The following CAST variants were observed in gnomAD, a reference collection of about 807,000 sequenced individuals.
CAST encodes calpastatin, also known as MIR583 host.
In CAST, 76 loss-of-function variants were observed where a neutral mutation model predicts 119.6. The ratio of observed to expected loss-of-function variants is 0.64; its 90% CI spans 0.53 to 0.77. The LOEUF (loss-of-function observed/expected upper bound fraction) is 0.77. Ranked by LOEUF, CAST falls within the 30% of genes least tolerant of loss-of-function variation. The probability of loss-of-function intolerance (pLI) is 0.00; values close to 1 mark genes in which losing one functional copy is unlikely to be tolerated. For missense variants in CAST, 953 were observed against 946.5 expected, an observed-to-expected ratio of 1.01 and a Z score of -0.09; for synonymous variants, 319 against 331.6, an observed-to-expected ratio of 0.96 and a Z score of 0.41.
chr5:96,412,542 T>C, the CAST span: 4 of 1,494,122 alleles, frequency 2.7e-6, no homozygotes, highest in Middle Eastern at 1.7e-4. Flanking sequence ...AGTATGTACA[T>C]GGACAAAAGC....
chr5:96,393,119 T>A, the CAST span: 1 of 1,614,028 alleles, frequency 6.2e-7, no homozygotes, highest in African/African-American at 1.3e-5. Context: ...GTCTTCAGAG[T>A]CTTTAAGCTG....
chr5:96,534,747 A>AG (rs1745760109), intron 1 of CAST, among the ~76,000 whole-genome samples: 1 of 28,456 alleles, frequency 3.5e-5, no homozygotes, highest in African/African-American at 1.3e-4. Flanking sequence ...GAGAGAAAGA[A>AG]AGAAAGAAAG....
the CAST span, among the ~76,000 whole-genome samples, chr5:96,094,520 A>C: frequency 6.6e-6 from 1 of 152,118 alleles, no homozygotes. Flanking sequence ...ATACACTTAG[A>C]AGAGAGCTGT....
the CAST span, among the ~76,000 whole-genome samples, chr5:96,492,724 T>A: frequency 1.3e-5 from 2 of 151,986 alleles, no homozygotes; most frequent in South Asian, 4.2e-4. Flanking sequence ...ATGACAAAAA[T>A]AAACTCCAAT....
chr5:96,668,068 A>G (rs920921978), intron 1 of CAST, among the ~76,000 whole-genome samples: 2 of 152,170 alleles, frequency 1.3e-5, no homozygotes, highest in South Asian at 2.1e-4. Context: ...TCATATACCA[A>G]TCATTGGTGT....
At chr5:96,365,569 C>A in the CAST span, among the ~76,000 whole-genome samples, 2 of 152,118 alleles carry the variant, frequency 1.3e-5, no homozygotes, top group Non-Finnish European at 2.9e-5. Context: ...ATCCCTTTAC[C>A]ATTATGTAAT....
chr5:96,729,246 C>G (rs1423380857), intron 7 of CAST, 37 bp downstream of exon 7: 1 of 1,130,920 alleles, frequency 8.8e-7, no homozygotes, highest in East Asian at 2.4e-5. Flanking sequence ...TATAAGGCAA[C>G]CTCTTTTGGT....
the CAST span, among the ~76,000 whole-genome samples, chr5:96,477,400 C>A: frequency 6.6e-6 from 1 of 152,112 alleles, no homozygotes; most frequent in Non-Finnish European, 1.5e-5. Flanking sequence ...CCTAACTGAG[C>A]CATCAACTTT....
At chr5:96,596,004 G>C (rs1024286404) in intron 1 of CAST, among the ~76,000 whole-genome samples, 2 of 152,148 alleles carry the variant, frequency 1.3e-5, no homozygotes, top group African/African-American at 2.4e-5. Context: ...GCTGCAAATG[G>C]GGTGGTCTCT....
chr5:96,029,262 C>A, the CAST span, among the ~76,000 whole-genome samples: 1 of 152,058 alleles, frequency 6.6e-6, no homozygotes, highest in Admixed American at 6.6e-5. Context: ...TGGATTTTGG[C>A]AGATAATGAA....
chr5:96,204,690 C>A, the CAST span, among the ~76,000 whole-genome samples: 1 of 152,030 alleles, frequency 6.6e-6, no homozygotes, highest in Non-Finnish European at 1.5e-5. Flanking sequence ...AGGAGGCCCA[C>A]AGAAAGAAGT....
chr5:96,530,186 G>A (rs776000264), intron 1 of CAST, among the ~76,000 whole-genome samples: 3 of 152,166 alleles, frequency 2.0e-5, no homozygotes, highest in Non-Finnish European at 4.4e-5. Flanking sequence ...AGGGAGGGAG[G>A]AAGGGAGCAG....
rs1216711335 is a variant in CAST at position 96,766,101 on chromosome 5, A to C, written c.2086A>C (p.Thr696Pro). The change falls in exon 27 of 32, where the codon ACT becomes CCT. Residue 696 changes from threonine (T) to proline (P), a missense_variant. Thr to Pro is a conservative substitution (Grantham distance 38, BLOSUM62 -1). Coordinates refer to ENST00000675179, the MANE Select transcript of CAST (RefSeq NM_001750.7). ...AGACAAGCTTGGAGAAAGAGATGAC[A>C]CTATCCCACCTGAATACAGACATCT... ...HRDKLGERDDTIPPEYRHLLD... is the reference protein window; with the variant it reads ...HRDKLGERDDPIPPEYRHLLD... The C allele has an allele frequency of 1.2e-6, 2 of 1,611,922 alleles. No homozygotes were observed. The highest frequency in any genetic ancestry group is 1.7e-6 in the Non-Finnish European group (2 of 1,178,446).
chr5:96,269,562 A>G, the CAST span, among the ~76,000 whole-genome samples: 1 of 152,204 alleles, frequency 6.6e-6, no homozygotes. Flanking sequence ...TAAAATCATA[A>G]ACAAAAGGGA....
chr5:96,472,159 A>G, the CAST span, among the ~76,000 whole-genome samples: 2 of 152,186 alleles, frequency 1.3e-5, no homozygotes, highest in South Asian at 4.1e-4. Flanking sequence ...TATCAAAAGT[A>G]GAAAGACCTT....
chr5:96,747,433 GA>G, intron 18 of CAST, 41 bp downstream of exon 18: 1 of 1,226,258 alleles, frequency 8.2e-7, no homozygotes, highest in Non-Finnish European at 1.2e-6. Context: ...AAGAACAATA[GA>G]CATGTAAAGT....
chr5:96,083,716 T>C, the CAST span, among the ~76,000 whole-genome samples: 15 of 152,222 alleles, frequency 9.9e-5, no homozygotes, highest in African/African-American at 3.6e-4. Context: ...ATAAATTGAC[T>C]TGATGTTTTT....
At chr5:96,560,341 C>A (rs1054370315) in intron 1 of CAST, among the ~76,000 whole-genome samples, 7 of 151,840 alleles carry the variant, frequency 4.6e-5, no homozygotes, top group Admixed American at 1.3e-4. Flanking sequence ...GCAACAAAAG[C>A]CAAAATTGAC....
chr5:96,656,497 T>C (rs1748160529), intron 1 of CAST, among the ~76,000 whole-genome samples: 1 of 152,208 alleles, frequency 6.6e-6, no homozygotes, highest in African/African-American at 2.4e-5. Context: ...AGGCCTGTTC[T>C]TTCTTCCTGT....
Sources: allele counts gnomAD v4.1 joint callset (sites outside exome capture counted in the v4.1 genomes callset), GRCh38; gene constraint gnomAD v4.1.1; transcripts MANE v1.5; gene names NCBI Gene and HGNC (gene_info 2026-07-23, HGNC 2026-07-21).